The following TICRR variants were observed in gnomAD, a reference collection of about 807,000 sequenced individuals.
TICRR encodes TOPBP1 interacting checkpoint and replication regulator, also known as treslin.
TICRR carries 132 observed loss-of-function variants against 178.1 expected under a neutral mutation model. The ratio of observed to expected loss-of-function variants is 0.74; its 90% CI spans 0.64 to 0.86. The LOEUF is 0.86. TICRR is among the 40% of genes least tolerant of loss of function. The pLI, the probability that TICRR is intolerant of heterozygous loss-of-function variation, is 0.00. For missense variants in TICRR, 2,587 were observed against 2,334.3 expected (o/e 1.11, Z -2.23); for synonymous variants, 991 against 900.7 (o/e 1.10, Z -1.79).
intron 4 of TICRR, chr15:89,591,453 G>C (rs1962911062): frequency 6.6e-6 from 1 of 152,122 alleles, no homozygotes; most frequent in African/African-American, 2.4e-5. Context: ...AACAGGACCA[G>C]GCACGGTGGC....
intron 3 of TICRR, 25 bp from the exon 4 acceptor site, chr15:89,585,683 C>T (rs755516390): frequency 4.6e-5 from 71 of 1,533,806 alleles, no homozygotes; most frequent in Non-Finnish European, 6.3e-5. Flanking sequence ...ATAATATTCT[C>T]AACTAATTAG....
chr15:89,579,966 A>G (rs1021495466), intron 1 of TICRR: 1 of 152,176 alleles, frequency 6.6e-6, no homozygotes. Flanking sequence ...CCATGCACAC[A>G]TTACCTTTAA....
At chr15:89,586,522 G>A (rs1209245560) in intron 4 of TICRR, among the ~76,000 whole-genome samples, 1 of 152,148 alleles carries the variant, frequency 6.6e-6, no homozygotes, top group Non-Finnish European at 1.5e-5. Context: ...CTAGTCCAGG[G>A]AGACAAAACA....
At position 89,624,967 on chromosome 15, in the gene TICRR, T is replaced by A; in HGVS notation, c.4657T>A (p.Ser1553Thr). 6.2e-7 allele frequency: 1 copy of A among 1,614,032 alleles called. No homozygotes were observed. The highest frequency in any genetic ancestry group is 1.1e-5 in the South Asian group (1 of 91,076). ...AGCATCAGCTTGGCATTCCACAGAC[T>A]CTGCCAGCCCACAGACCTATGAGGT... ...LPASAWHSTD[S>T]ASPQTYEVEL... Residue 1553 changes from serine (S) to threonine (T), a missense_variant, in exon 20 of 22, where the codon TCT (serine) becomes ACT (threonine). Ser to Thr is a moderately conservative substitution (Grantham distance 58). Transcript: ENST00000268138.
chr15:89,608,780 CT>C, intron 14 of TICRR, 22 bp from the exon 15 acceptor site: 2 of 1,557,848 alleles, frequency 1.3e-6, no homozygotes, highest in East Asian at 2.3e-5. Context: ...TTTTCTTTTT[CT>C]TTTAATTTTT....
intron 21 of TICRR, 74 bp from the exon 22 acceptor site, chr15:89,626,882 T>C (rs1037784767): frequency 7.1e-6 from 11 of 1,542,614 alleles, no homozygotes; most frequent in Middle Eastern, 1.7e-4. Flanking sequence ...TGTAACCCTC[T>C]GCAATTTAAG....
rs758214359 is a variant in TICRR, at chr15:89,625,774, G to T, written c.5464G>T (p.Val1822Leu). 19 of 1,602,402 alleles carry T rather than the reference G, an allele frequency of 1.2e-5. No individual in the cohort carries two copies. In the Admixed American group the frequency reaches 2.4e-4, roughly 20 times the overall value. The change falls in exon 20 of 22, where the codon GTG becomes TTG. Residue 1822 changes from valine (V) to leucine (L), a missense_variant. Transcript: ENST00000268138. ...GCTACCCTCCACGGGAGACGAAGAG[G>T]TGTTTGTTTCCGGTGAGTTCGTTTT... ...WQLPSTGDEE[V>L]FVSGSTPPPS...
rs1319886262 is a variant in TICRR at position 89,584,455 on chromosome 15, G to T, written c.1104G>T (p.Glu368Asp). The T allele has an allele frequency of 6.2e-7, 1 of 1,613,050 alleles. No individual in the cohort carries two copies. The highest frequency in any genetic ancestry group is 8.5e-7 in the Non-Finnish European group (1 of 1,179,576). The change falls in exon 3 of 22, where the codon GAG becomes GAT. Residue 368 changes from glutamate (E) to aspartate (D), a missense_variant. Physicochemically the swap from Glu to Asp is conservative, Grantham distance 45. Coordinates refer to ENST00000268138, the MANE Select transcript of TICRR (RefSeq NM_152259.4). The part of the protein sequence containing the change: ...GTDSWMLGSP[E>D]ESTATQRLLF... ...ACAGCTGGATGCTAGGAAGTCCAGAGGAGAGCACAGCAACTCAAAGGCTGT... is the reference window on the plus strand; with the variant it reads ...ACAGCTGGATGCTAGGAAGTCCAGATGAGAGCACAGCAACTCAAAGGCTGT...
Position 89,625,925 on chromosome 15 carries a change from G to A in TICRR, c.5477-11G>A. On this transcript the variant is annotated splice_polypyrimidine_tract_variant and intron_variant, in intron 20 of 21. Coordinates refer to ENST00000268138, the MANE Select transcript of TICRR (RefSeq NM_152259.4). ...TGGGGACGCTGCTCTTACTATGTGG[G>A]ATCTCTTTAGGCTCCACCCCACCTC... 6.4e-7 allele frequency: 1 copy of A among 1,556,648 alleles called. No individual in the cohort carries two copies. Among genetic ancestry groups the A allele is most frequent in the Non-Finnish European group, 8.6e-7 (1 of 1,156,904 alleles).
Position 89,625,382 on chromosome 15 carries a change from C to T in TICRR, c.5072C>T (p.Ala1691Val), listed in dbSNP as rs749490163. ...AAAGACTGGCCCAGGAGGAAGAGGG[C>T]GGTGGGCTGTGGCGCCGGCTCCTCT... ...IIKDWPRRKR[A>V]VGCGAGSSSG... The change falls in exon 20 of 22, where the codon GCG becomes GTG. Residue 1691 changes from alanine to valine, a missense_variant. By Grantham distance (64) the Ala-to-Val change is moderately conservative. Coordinates refer to ENST00000268138, the MANE Select transcript of TICRR (RefSeq NM_152259.4). 1.7e-5 allele frequency: 28 copies of T among 1,613,820 alleles called. No homozygotes were observed. The highest frequency in any genetic ancestry group is 1.5e-4 in the South Asian group (14 of 91,092).
rs1567043089 is a variant in TICRR, at chr15:89,594,458, A to C, written c.1585A>C (p.Thr529Pro). 1 of 1,613,368 alleles carries C rather than the reference A, an allele frequency of 6.2e-7. No homozygotes were observed. Residue 529 changes from threonine (T) to proline (P), a missense_variant, in exon 6 of 22, where the codon ACT becomes CCT. By Grantham distance (38) the Thr-to-Pro change is conservative (BLOSUM62 -1). Coordinates refer to ENST00000268138, the MANE Select transcript of TICRR (RefSeq NM_152259.4). Reference sequence around the variant, plus strand: ...AGCTAATAAGGAAGAGTCTTCCAAAACTGAAGGCGAATTAATACATTGCCT... The same window carrying C: ...AGCTAATAAGGAAGAGTCTTCCAAACCTGAAGGCGAATTAATACATTGCCT... Reference protein sequence around the residue: ...ASANKEESSKTEGELIHCLAE... With the variant: ...ASANKEESSKPEGELIHCLAE...
At chr15:89,609,918 C>T (rs1441437) in intron 15 of TICRR, among the ~76,000 whole-genome samples, 38,878 of 151,928 alleles carry the variant, frequency 0.26, 5,855 homozygotes, top group South Asian at 0.37. Context: ...TAGGCATATC[C>T]TATAAATTTT....
chr15:89,620,677 CTTCT>C (rs1487891340), intron 18 of TICRR, among the ~76,000 whole-genome samples: 2 of 151,970 alleles, frequency 1.3e-5, no homozygotes, highest in African/African-American at 4.8e-5. Context: ...AAATTGTTGC[CTTCT>C]TTCTTTTATG....
chr15:89,583,860 T>C (rs935024893), intron 2 of TICRR, among the ~76,000 whole-genome samples: 2 of 152,248 alleles, frequency 1.3e-5, no homozygotes, highest in Admixed American at 6.5e-5. Flanking sequence ...CTCATTTTTG[T>C]ATTTTTTGTA....
At position 89,623,951 on chromosome 15, in the gene TICRR, A is replaced by G. The variant is rs746968359; in HGVS notation, c.3641A>G (p.His1214Arg). ...PGFLPNCTWP[H>R]SVNSSPESPS... is the part of the protein sequence containing the mutation. Reference sequence around the variant, plus strand: ...TTTTTGCCAAACTGTACTTGGCCACATTCAGTGAATTCCAGTCCAGAAAGC... The same window carrying G: ...TTTTTGCCAAACTGTACTTGGCCACGTTCAGTGAATTCCAGTCCAGAAAGC... The change falls in exon 20 of 22, where the codon CAT becomes CGT. Residue 1214 changes from histidine (H) to arginine (R), a missense_variant. Transcript: ENST00000268138. The G allele has an allele frequency of 7.4e-6, 12 of 1,614,084 alleles. No homozygotes were observed. The highest frequency in any genetic ancestry group is 1.7e-5 in the Admixed American group (1 of 60,018).
rs779953659 is a variant in TICRR, at chr15:89,619,732, G to T, written c.3044G>T (p.Arg1015Leu). Residue 1015 changes from arginine (R) to leucine (L), a missense_variant, in exon 18 of 22, where the codon CGA becomes CTA. Physicochemically the swap from Arg to Leu is moderately radical, Grantham distance 102. Coordinates refer to ENST00000268138, the MANE Select transcript of TICRR (RefSeq NM_152259.4). The stretch of plus-strand genomic sequence containing the variant: ...GAAATAAGTCTGAGACGAAGTCCTC[G>T]AATCAAGCAGTTGTCATTTAGCAGG... ...GDEISLRRSP[R>L]IKQLSFSRTH... is the part of the protein sequence containing the mutation. 2 of 1,612,724 alleles carry T rather than the reference G, an allele frequency of 1.2e-6. No individual in the cohort carries two copies. Among genetic ancestry groups the T allele is most frequent in the Admixed American group, 3.4e-5 (2 of 59,626 alleles).
At chr15:89,601,421 A>G (rs760610897) in intron 10 of TICRR, 30 bp downstream of exon 10, 2 of 1,612,766 alleles carry the variant, frequency 1.2e-6, no homozygotes, top group Non-Finnish European at 1.7e-6. Context: ...CCATTGAAAT[A>G]CGCCCTAGAT....
chr15:89,602,964 A>G, intron 13 of TICRR, 72 bp downstream of exon 13: 2 of 725,508 alleles, frequency 2.8e-6, no homozygotes, highest in South Asian at 3.8e-5. Context: ...CTTTTAGGAA[A>G]ATGAACTTTG....
In TICRR at chr15:89,625,765, G is replaced by C; in HGVS notation, c.5455G>C (p.Asp1819His). The C allele has an allele frequency of 6.2e-7, 1 of 1,605,054 alleles. No homozygotes were observed. Among genetic ancestry groups the C allele is most frequent in the Non-Finnish European group, 8.5e-7 (1 of 1,174,752 alleles). Reference sequence around the variant, plus strand: ...TGCATGGCAGCTACCCTCCACGGGAGACGAAGAGGTGTTTGTTTCCGGTGA... The same window carrying C: ...TGCATGGCAGCTACCCTCCACGGGACACGAAGAGGTGTTTGTTTCCGGTGA... The part of the protein sequence containing the change: ...WSAWQLPSTG[D>H]EEVFVSGSTP... Residue 1819 changes from aspartate to histidine, a missense_variant, in exon 20 of 22, where the codon GAC (aspartate) becomes CAC (histidine). Transcript: ENST00000268138.
Sources: gnomAD v4.1 joint callset for allele counts (sites outside exome capture counted in the v4.1 genomes callset) on GRCh38, gnomAD v4.1.1 for gene constraint, MANE v1.5 for transcripts, NCBI Gene and HGNC (gene_info 2026-07-23, HGNC 2026-07-21) for gene names.